ENTPD1: variants seen among roughly 807,000 people sequenced by gnomAD.
ENTPD1 encodes ATP diphosphohydrolase.
Under a neutral mutation model 57.0 loss-of-function variants are expected in ENTPD1, and 33 were observed. The ratio of observed to expected loss-of-function variants is 0.58; its 90% CI spans 0.44 to 0.77. ENTPD1 has a LOEUF of 0.77. ENTPD1 is among the 30% of genes least tolerant of loss of function. ENTPD1 has a pLI of 0.00. For missense variants in ENTPD1, 501 were observed against 603.4 expected (o/e 0.83, Z 1.78); for synonymous variants, 202 against 218.8 (o/e 0.92, Z 0.68).
At chr10:95,810,187 G>A (rs1480324042) in intron 1 of ENTPD1, among the ~76,000 whole-genome samples, 28 of 146,784 alleles carry the variant, frequency 1.9e-4, no homozygotes, top group African/African-American at 6.9e-4. Context: ...GGTTGGCCGG[G>A]CAGAGGCGCT....
rs562295380 is a variant in ENTPD1, at chr10:95,871,224, A to G, written c.*4841A>G. 2 of 985,488 alleles carry G rather than the reference A, an allele frequency of 2.0e-6. No individual in the cohort carries two copies. Among genetic ancestry groups the G allele is most frequent in the East Asian group, 2.3e-4 (2 of 8,824 alleles). 61.0% of individuals were successfully genotyped at this position (985,488 alleles called of 1,614,324 possible). A position where few individuals can be genotyped will look rare whatever the true frequency, so the allele number is the denominator to read the frequency against. ...ACACAGGAAAAAAGTAAAGCATTAA[A>G]TGCGATTATTTAATATACAATGTCT... On this transcript the variant is annotated 3_prime_UTR_variant, in exon 10 of 10. Transcript: ENST00000371205.
chr10:95,816,353 C>T (rs1447757456), intron 1 of ENTPD1, among the ~76,000 whole-genome samples: 1 of 152,144 alleles, frequency 6.6e-6, no homozygotes, highest in Non-Finnish European at 1.5e-5. Context: ...TGGGAAGTTA[C>T]TTAATCTCTC....
chr10:95,834,901 T>A (rs2098405757), intron 2 of ENTPD1, among the ~76,000 whole-genome samples: 1 of 151,884 alleles, frequency 6.6e-6, no homozygotes, highest in East Asian at 1.9e-4. Flanking sequence ...CCAGCCTGGG[T>A]GACAGAGCGA....
chr10:95,780,402 C>T (rs6584026), intron 1 of ENTPD1, among the ~76,000 whole-genome samples: 24,767 of 152,118 alleles, frequency 0.16, 2,658 homozygotes, highest in African/African-American at 0.29. Context: ...TGCACACATG[C>T]GTATTGAATG....
At chr10:95,825,969 C>T (rs1027196160) in intron 2 of ENTPD1, among the ~76,000 whole-genome samples, 3 of 152,046 alleles carry the variant, frequency 2.0e-5, no homozygotes, top group African/African-American at 4.8e-5. Context: ...ATTTATGCAT[C>T]GACAATTATT....
chr10:95,772,690 C>G (rs972594408), intron 1 of ENTPD1, among the ~76,000 whole-genome samples: 1 of 152,170 alleles, frequency 6.6e-6, no homozygotes, highest in Non-Finnish European at 1.5e-5. Context: ...CTTCCAAACT[C>G]CTGTTAATAT....
chr10:95,836,189 A>G (rs535513174), intron 2 of ENTPD1, among the ~76,000 whole-genome samples: 12 of 152,158 alleles, frequency 7.9e-5, no homozygotes, highest in Non-Finnish European at 1.3e-4. Flanking sequence ...CTATGTATCT[A>G]TTTCTGTACC....
intron 1 of ENTPD1, among the ~76,000 whole-genome samples, chr10:95,717,890 C>T (rs1263357394): frequency 6.6e-6 from 1 of 152,168 alleles, no homozygotes; most frequent in African/African-American, 2.4e-5. Context: ...TCATGGACAG[C>T]ATCTGGGGCT....
chr10:95,802,952 C>T (rs2098256436), intron 1 of ENTPD1, among the ~76,000 whole-genome samples: 1 of 152,022 alleles, frequency 6.6e-6, no homozygotes, highest in Non-Finnish European at 1.5e-5. Flanking sequence ...CTTTATAATC[C>T]TTTGGGTATT....
At chr10:95,797,652 G>T (rs2098231927) in intron 1 of ENTPD1, among the ~76,000 whole-genome samples, 1 of 152,190 alleles carries the variant, frequency 6.6e-6, no homozygotes, top group Non-Finnish European at 1.5e-5. Flanking sequence ...ACATGGTGAT[G>T]GAGCAAGAGA....
At chr10:95,739,896 A>C (rs754385004) in intron 1 of ENTPD1, among the ~76,000 whole-genome samples, 3 of 152,246 alleles carry the variant, frequency 2.0e-5, no homozygotes, top group African/African-American at 4.8e-5. Flanking sequence ...TGCAGAATAA[A>C]TGTTGTGTTA....
At chr10:95,856,132 G>A (rs575748311) in intron 7 of ENTPD1, among the ~76,000 whole-genome samples, 39 of 152,152 alleles carry the variant, frequency 2.6e-4, no homozygotes, top group Non-Finnish European at 4.7e-4. Context: ...GGCTTTGTCC[G>A]TTTCTCTTTA....
intron 1 of ENTPD1, among the ~76,000 whole-genome samples, chr10:95,784,042 C>T (rs1205701780): frequency 6.6e-6 from 1 of 151,020 alleles, no homozygotes; most frequent in African/African-American, 2.4e-5. Context: ...TTACTATATC[C>T]TGCCTTCCTG....
rs184774699 is a variant in ENTPD1 at position 95,873,552 on chromosome 10, C to A, written c.*7169C>A. 2,391 of 985,458 alleles carry A rather than the reference C, an allele frequency of 2.4e-3. 4 individuals are homozygous for A. The highest frequency in any genetic ancestry group is 6.1e-3 in the South Asian group (130 of 21,288). The allele number at this position is 985,458 out of a possible 1,614,324, so 61.0% of individuals were successfully genotyped here. A position where few individuals can be genotyped will look rare whatever the true frequency, so the allele number is the denominator to read the frequency against. ...GGAAAGAGTAGGTAGGTTATGCCAG[C>A]TCACACGCATCCTTTAAAAATGGTT... On this transcript the variant is annotated 3_prime_UTR_variant, in exon 10 of 10. Coordinates refer to ENST00000371205, the MANE Select transcript of ENTPD1 (RefSeq NM_001776.6).
the ENTPD1 span, among the ~76,000 whole-genome samples, chr10:95,703,187 T>C: frequency 6.6e-6 from 1 of 151,934 alleles, no homozygotes; most frequent in African/African-American, 2.4e-5. Flanking sequence ...TCCTCAAAAA[T>C]GAAGATAAGA....
chr10:95,826,315 G>A (rs1189833759), intron 2 of ENTPD1, among the ~76,000 whole-genome samples: 1 of 152,108 alleles, frequency 6.6e-6, no homozygotes, highest in Non-Finnish European at 1.5e-5. Flanking sequence ...GCTCATGCCT[G>A]TAATCGAAGC....
At chr10:95,711,083 A>T (rs2097965156), upstream of ENTPD1, among the ~76,000 whole-genome samples, 1 of 151,842 alleles carries the variant, frequency 6.6e-6, no homozygotes. Context: ...CGAGAAATGG[A>T]AACTAGAATT....
intron 2 of ENTPD1, among the ~76,000 whole-genome samples, chr10:95,838,971 GAAGTTT>G (rs2098416932): frequency 6.6e-6 from 1 of 151,854 alleles, no homozygotes; most frequent in South Asian, 2.1e-4. Flanking sequence ...CTAAAAACAT[GAAGTTT>G]AAGTACATAT....
At chr10:95,814,841 C>T (rs2098324402) in intron 1 of ENTPD1, among the ~76,000 whole-genome samples, 1 of 152,110 alleles carries the variant, frequency 6.6e-6, no homozygotes, top group South Asian at 2.1e-4. Flanking sequence ...GTCTTTCTAC[C>T]TTTCTTTTCA....
Sources: allele counts gnomAD v4.1 joint callset (sites outside exome capture counted in the v4.1 genomes callset), GRCh38; gene constraint gnomAD v4.1.1; transcripts MANE v1.5; gene names NCBI Gene and HGNC (gene_info 2026-07-23, HGNC 2026-07-21).